ANXA13: variants seen among roughly 807,000 people sequenced by gnomAD.
ANXA13 encodes the protein annexin XIII.
Under a neutral mutation model 46.6 loss-of-function variants are expected in ANXA13, and 36 were observed. The ratio of observed to expected loss-of-function variants is 0.77; its 90% CI spans 0.59 to 1.02. The LOEUF is 1.02. Among genes scored for constraint, ANXA13 ranks in the 50% least tolerant of loss-of-function variants. The pLI is 0.00. For missense variants in ANXA13, 417 were observed against 396.5 expected (o/e 1.05, Z -0.44); for synonymous variants, 163 against 152.9 (o/e 1.07, Z -0.49).
At chr8:123,725,748 G>C (rs1362528318) in intron 1 of ANXA13, among the ~76,000 whole-genome samples, 4 of 152,208 alleles carry the variant, frequency 2.6e-5, no homozygotes, top group Non-Finnish European at 5.9e-5. Flanking sequence ...ATTTCATCAT[G>C]TAGTTATTGC....
At chr8:123,719,561 G>A (rs749340324) in intron 1 of ANXA13, among the ~76,000 whole-genome samples, 3 of 152,188 alleles carry the variant, frequency 2.0e-5, no homozygotes, top group Non-Finnish European at 4.4e-5. Context: ...AATTTTTAAG[G>A]AGGAGTTGAC....
At chr8:123,718,063 C>G (rs1209727396) in intron 1 of ANXA13, among the ~76,000 whole-genome samples, 1 of 152,190 alleles carries the variant, frequency 6.6e-6, no homozygotes, top group Non-Finnish European at 1.5e-5. Flanking sequence ...TGCCCGCCAC[C>G]CCACCGACTT....
At chr8:123,730,412 C>G (rs1814093406) in intron 1 of ANXA13, among the ~76,000 whole-genome samples, 1 of 152,096 alleles carries the variant, frequency 6.6e-6, no homozygotes, top group Admixed American at 6.6e-5. Flanking sequence ...GGGGTTGGAC[C>G]CAACTCTCCA....
chr8:123,727,494 A>T (rs1166095635), intron 1 of ANXA13, among the ~76,000 whole-genome samples: 2 of 151,790 alleles, frequency 1.3e-5, no homozygotes, highest in African/African-American at 4.8e-5. Context: ...ACCAGGAGCG[A>T]TTTTTGTCTC....
chr8:123,685,482 A>G (rs1563603998), intron 9 of ANXA13, among the ~76,000 whole-genome samples: 2 of 152,174 alleles, frequency 1.3e-5, no homozygotes, highest in Non-Finnish European at 2.9e-5. Flanking sequence ...ATCATGGCTA[A>G]CACGTTAGAG....
chr8:123,715,605 C>A lies in ANXA13; in HGVS notation c.16-2852G>T, dbSNP rs528819816. 3.3e-5 allele frequency among the ~76,000 whole-genome samples: 5 copies of A among 152,324 alleles called. 1 individual carries two copies. The highest frequency in any genetic ancestry group is 2.0e-4 in the Admixed American group (3 of 15,310). ...CTGCAAATGGCTGTGTGGGTTATGC[C>A]CTGCCTGAGGCCCTGGCTGAGGGGC... is the stretch of plus-strand genomic sequence containing the variant. On this transcript the variant is annotated intron_variant, in intron 1 of 10. Transcript: ENST00000419625.
At chr8:123,735,697 G>A in intron 1 of ANXA13, 1 of 1,495,594 alleles carries the variant, frequency 6.7e-7, no homozygotes. Flanking sequence ...GGCTCATATT[G>A]GCCCCATGAC....
At chr8:123,736,772 T>C (rs975626111) in intron 1 of ANXA13, among the ~76,000 whole-genome samples, 2 of 152,164 alleles carry the variant, frequency 1.3e-5, no homozygotes, top group Non-Finnish European at 2.9e-5. Context: ...TTTACTGCCT[T>C]ATTTTACATA....
At chr8:123,705,320 AC>A (rs1298097221) in intron 2 of ANXA13, among the ~76,000 whole-genome samples, 1 of 152,180 alleles carries the variant, frequency 6.6e-6, no homozygotes, top group Non-Finnish European at 1.5e-5. Context: ...TTCACTTCAC[AC>A]CATACTTTAA....
intron 2 of ANXA13, among the ~76,000 whole-genome samples, chr8:123,709,512 ATGCCTGAGGT>A (rs1813614137): frequency 6.6e-6 from 1 of 151,554 alleles, no homozygotes; most frequent in South Asian, 2.1e-4. Context: ...TAACGCATTG[ATGCCTGAGGT>A]TGCAGTTTTT....
intron 1 of ANXA13, chr8:123,735,813 G>C (rs374772372): frequency 8.7e-6 from 14 of 1,612,616 alleles, no homozygotes; most frequent in Non-Finnish European, 1.1e-5. Context: ...CTGCACGACT[G>C]TCGAGGGTTG....
At chr8:123,712,642 T>C (rs760837060) in intron 2 of ANXA13, 36 bp downstream of exon 2, 4 of 1,598,758 alleles carry the variant, frequency 2.5e-6, no homozygotes, top group Middle Eastern at 1.7e-4. Context: ...TTTAATCAAC[T>C]TCAGAAGCAA....
At chr8:123,685,216 G>A (rs1313120951) in intron 9 of ANXA13, among the ~76,000 whole-genome samples, 1 of 152,096 alleles carries the variant, frequency 6.6e-6, no homozygotes, top group Non-Finnish European at 1.5e-5. Context: ...CCTCATCTCT[G>A]AACCTTTTCC....
intron 1 of ANXA13, among the ~76,000 whole-genome samples, chr8:123,725,049 T>C (rs1328944441): frequency 6.6e-6 from 1 of 152,234 alleles, no homozygotes. Flanking sequence ...AGTCAGAGGA[T>C]AGGACCTTAC....
chr8:123,687,143 C>T (rs1338611309), intron 9 of ANXA13, among the ~76,000 whole-genome samples: 1 of 152,134 alleles, frequency 6.6e-6, no homozygotes, highest in African/African-American at 2.4e-5. Flanking sequence ...ATTCCCAACC[C>T]AGCACAAACC....
chr8:123,687,002 T>C (rs1813152016), intron 9 of ANXA13, among the ~76,000 whole-genome samples: 1 of 152,220 alleles, frequency 6.6e-6, no homozygotes, highest in Non-Finnish European at 1.5e-5. Context: ...TTTTCTGTCA[T>C]CTGTACCATC....
intron 1 of ANXA13, among the ~76,000 whole-genome samples, chr8:123,722,376 A>AAGAAAGAAAGAAAGAAAGAAAG (rs1813897955): frequency 8.3e-6 from 1 of 120,204 alleles, no homozygotes; most frequent in Admixed American, 7.8e-5. Flanking sequence ...GAAAGAAAGA[A>AAGAAAGAAAGAAAGAAAGAAAG]AGAAAGAAAG....
intron 1 of ANXA13, among the ~76,000 whole-genome samples, chr8:123,723,841 T>C (rs528877849): frequency 2.0e-5 from 3 of 152,222 alleles, no homozygotes; most frequent in Non-Finnish European, 4.4e-5. Context: ...ATGTTCACTC[T>C]CATATCCCCA....
intron 4 of ANXA13, among the ~76,000 whole-genome samples, chr8:123,696,558 A>AC (rs386729507): frequency 0.02 from 480 of 24,020 alleles, 2 homozygotes; most frequent in East Asian, 0.042. Flanking sequence ...CTGCTCCCCC[A>AC]CCCCCCCCAC....
Sources: allele counts gnomAD v4.1 joint callset (sites outside exome capture counted in the v4.1 genomes callset), GRCh38; gene constraint gnomAD v4.1.1; transcripts MANE v1.5; gene names NCBI Gene and HGNC (gene_info 2026-07-23, HGNC 2026-07-21).